Variants in RARB observed in about 807,000 individuals in gnomAD.
RARB encodes the protein HBV-activated protein.
In RARB, 17 loss-of-function variants were observed where a neutral mutation model predicts 51.9. That is an observed-to-expected ratio of 0.33 (90% CI 0.22 to 0.49). The LOEUF (loss-of-function observed/expected upper bound fraction) is 0.49, where lower values mean the gene tolerates loss of function less well. Among genes scored for constraint, RARB ranks in the 20% least tolerant of loss-of-function variants. RARB has a pLI of 0.99. For missense variants in RARB, 369 were observed against 550.8 expected (o/e 0.67, Z 3.30); for synonymous variants, 215 against 195.4 (o/e 1.10, Z -0.84).
intron 5 of RARB, among the ~76,000 whole-genome samples, chr3:25,383,269 A>G (rs1369871636): frequency 6.6e-6 from 1 of 152,184 alleles, no homozygotes; most frequent in African/African-American, 2.4e-5. Flanking sequence ...ATCCTGAGCA[A>G]TTTACACTTC....
chr3:24,944,001 C>G (rs1213999271), intron 2 of RARB, among the ~76,000 whole-genome samples: 3 of 152,140 alleles, frequency 2.0e-5, no homozygotes, highest in Non-Finnish European at 4.4e-5. Flanking sequence ...GTGAATAACA[C>G]TGTCTCTGTA....
At chr3:25,377,028 T>TGTTTGTTTGTTTTTA (rs1706482836) in intron 5 of RARB, among the ~76,000 whole-genome samples, 1 of 152,166 alleles carries the variant, frequency 6.6e-6, no homozygotes, top group Admixed American at 6.6e-5. Context: ...TTTGTTTGTT[T>TGTTTGTTTGTTTTTA]GTTTGTTTGT....
chr3:25,190,131 A>G (rs554537067), intron 5 of RARB, among the ~76,000 whole-genome samples: 1 of 152,214 alleles, frequency 6.6e-6, no homozygotes, highest in Admixed American at 6.5e-5. Flanking sequence ...AAATAAAGGT[A>G]AATTGTCAAT....
chr3:24,923,282 T>C (rs1334165482), intron 2 of RARB, among the ~76,000 whole-genome samples: 4 of 148,474 alleles, frequency 2.7e-5, no homozygotes, highest in East Asian at 1.9e-4. Context: ...CCCAGCTTAA[T>C]TTGTCATCTT....
At chr3:25,309,962 G>C (rs1704249596) in intron 5 of RARB, among the ~76,000 whole-genome samples, 1 of 152,206 alleles carries the variant, frequency 6.6e-6, no homozygotes, top group Non-Finnish European at 1.5e-5. Context: ...CTTCTTGAAA[G>C]TCCCGAAGGC....
At chr3:25,051,579 A>G (rs183503088) in intron 2 of RARB, among the ~76,000 whole-genome samples, 7 of 122,218 alleles carry the variant, frequency 5.7e-5, no homozygotes, top group Admixed American at 5.4e-4. Flanking sequence ...ACCTACATGT[A>G]TAAAAATAAG....
intron 5 of RARB, among the ~76,000 whole-genome samples, chr3:25,315,574 C>A (rs1419132636): frequency 6.6e-6 from 1 of 152,026 alleles, no homozygotes; most frequent in East Asian, 1.9e-4. Context: ...TTGGATAAGA[C>A]CATTTACTTC....
At chr3:24,867,187 A>C (rs1702866500) in intron 2 of RARB, among the ~76,000 whole-genome samples, 1 of 152,144 alleles carries the variant, frequency 6.6e-6, no homozygotes, top group African/African-American at 2.4e-5. Flanking sequence ...TGTTTCTCTC[A>C]TCCTCCTAGC....
intron 1 of RARB, among the ~76,000 whole-genome samples, chr3:25,435,339 T>A (rs1459951502): frequency 6.6e-6 from 1 of 152,184 alleles, no homozygotes; most frequent in Non-Finnish European, 1.5e-5. Flanking sequence ...AAGATCTGGA[T>A]CACATCCCAA....
chr3:25,506,558 A>G (rs943696180), intron 3 of RARB, among the ~76,000 whole-genome samples: 1 of 152,042 alleles, frequency 6.6e-6, no homozygotes, highest in Admixed American at 6.6e-5. Flanking sequence ...TGAGGCTGCA[A>G]TGAGCCATTT....
intron 2 of RARB, among the ~76,000 whole-genome samples, chr3:24,917,715 C>T (rs558099917): frequency 3.3e-5 from 5 of 152,288 alleles, no homozygotes; most frequent in Middle Eastern, 3.4e-3. Context: ...TTACTAGAGA[C>T]GGGGTTTTAC....
intron 5 of RARB, among the ~76,000 whole-genome samples, chr3:25,357,651 C>T (rs893020575): frequency 8.5e-5 from 13 of 152,140 alleles, no homozygotes; most frequent in Non-Finnish European, 1.3e-4. Flanking sequence ...TTAGGTCTTA[C>T]ATTTAAATCT....
At chr3:25,335,305 A>G (rs1307097636) in intron 5 of RARB, among the ~76,000 whole-genome samples, 1 of 152,202 alleles carries the variant, frequency 6.6e-6, no homozygotes, top group Non-Finnish European at 1.5e-5. Flanking sequence ...TCTAAGCACA[A>G]TGCTAGAAGG....
rs76258702 is a variant in RARB, at chr3:25,420,826, A to G, written c.179-40367A>G. ...GTAAATGGAGGGATGGGTGGATATC[A>G]GGTAGAAGAACGGGTAGGTGAATGG... On this transcript the variant is annotated intron_variant, in intron 5 of 11. Transcript: ENST00000383772. Among the ~76,000 whole-genome samples, 39 of 152,110 alleles carry G rather than the reference A, an allele frequency of 2.6e-4. 1 individual carries two copies. The East Asian group carries it at 7.4e-3, about 29-fold the overall frequency.
intron 4 of RARB, among the ~76,000 whole-genome samples, chr3:25,571,221 A>C (rs1224064782): frequency 6.6e-6 from 1 of 152,248 alleles, no homozygotes; most frequent in Non-Finnish European, 1.5e-5. Flanking sequence ...CTCACCTGGA[A>C]GCAGAGGTAG....
At chr3:25,348,912 A>G (rs991499355) in intron 5 of RARB, among the ~76,000 whole-genome samples, 7 of 152,164 alleles carry the variant, frequency 4.6e-5, no homozygotes, top group Non-Finnish European at 1.0e-4. Context: ...ATGCTGCTGG[A>G]CTTAGGGACC....
intron 2 of RARB, among the ~76,000 whole-genome samples, chr3:24,896,369 C>T (rs1260060774): frequency 1.3e-5 from 2 of 152,144 alleles, no homozygotes; most frequent in Non-Finnish European, 2.9e-5. Flanking sequence ...AAGCGATCCT[C>T]CTGCTTCAGC....
Position 25,594,542 on chromosome 3 carries a change from G to A in RARB, c.1014G>A (p.Pro338=), listed in dbSNP as rs115542602. The change falls in exon 7 of 8, where the codon CCG becomes CCA. Residue 338 remains proline (P), a synonymous_variant. Coordinates refer to ENST00000330688, the MANE Select transcript of RARB (RefSeq NM_000965.5). The part of the protein sequence containing the change: ...ICGDRQDLEE[P]TKVDKLQEPL... ...CAGACCGCCAGGACCTTGAGGAACC[G>A]ACAAAAGTAGATAAGCTACAAGAAC... 8.7e-6 allele frequency: 14 copies of A among 1,610,964 alleles called. No individual in the cohort carries two copies. The highest frequency in any genetic ancestry group is 1.7e-5 in the Admixed American group (1 of 59,362).
chr3:25,080,197 G>A (rs1698965732), intron 3 of RARB, among the ~76,000 whole-genome samples: 1 of 152,120 alleles, frequency 6.6e-6, no homozygotes, highest in Non-Finnish European at 1.5e-5. Flanking sequence ...TTGAGTTTGT[G>A]TCTGATTTGT....
Sources: gnomAD v4.1 joint callset for allele counts (sites outside exome capture counted in the v4.1 genomes callset) on GRCh38, gnomAD v4.1.1 for gene constraint, MANE v1.5 for transcripts, NCBI Gene and HGNC (gene_info 2026-07-23, HGNC 2026-07-21) for gene names.